The following KAZN variants were observed in gnomAD, a reference collection of about 807,000 sequenced individuals.
KAZN encodes kazrin.
Under a neutral mutation model 87.4 loss-of-function variants are expected in KAZN, and 40 were observed. That is an observed-to-expected ratio of 0.46 (90% CI 0.36 to 0.60). The LOEUF (loss-of-function observed/expected upper bound fraction) is 0.60. KAZN is among the 20% of genes least tolerant of loss of function. The pLI is 0.00. For synonymous variants in KAZN, 466 were observed against 458.3 expected (o/e 1.02, Z -0.22); for missense variants, 898 against 1,073.9 (o/e 0.84, Z 2.29).
intron 2 of KAZN, among the ~76,000 whole-genome samples, chr1:14,346,067 C>T (rs1384999669): frequency 6.6e-6 from 1 of 152,192 alleles, no homozygotes; most frequent in Non-Finnish European, 1.5e-5. Flanking sequence ...TGCTCATTGG[C>T]CACTAGAAGT....
chr1:14,516,805 C>T (rs1294378240), intron 2 of KAZN, among the ~76,000 whole-genome samples: 1 of 152,162 alleles, frequency 6.6e-6, no homozygotes, highest in African/African-American at 2.4e-5. Context: ...ATTTCTCTAA[C>T]AAGAACCAGC....
At chr1:15,109,459 C>T (rs1641411264) in intron 13 of KAZN, among the ~76,000 whole-genome samples, 1 of 152,294 alleles carries the variant, frequency 6.6e-6, no homozygotes, top group East Asian at 1.9e-4. Context: ...CGCACCAGAA[C>T]ATATGGAGGG....
chr1:14,707,820 C>T (rs1197882122), intron 1 of KAZN, among the ~76,000 whole-genome samples: 1 of 152,208 alleles, frequency 6.6e-6, no homozygotes, highest in African/African-American at 2.4e-5. Context: ...CCTTAGGTTT[C>T]ATTTCTCGGC....
At chr1:14,511,918 A>C (rs543934376) in intron 2 of KAZN, among the ~76,000 whole-genome samples, 2 of 152,302 alleles carry the variant, frequency 1.3e-5, no homozygotes, top group African/African-American at 4.8e-5. Context: ...CATTCTAAAG[A>C]CTGAAACAAA....
intron 2 of KAZN, among the ~76,000 whole-genome samples, chr1:14,215,614 T>G (rs1032040933): frequency 1.3e-5 from 2 of 152,218 alleles, no homozygotes; most frequent in African/African-American, 2.4e-5. Flanking sequence ...GTTTCCTTTT[T>G]GAAATGAAGA....
At chr1:14,228,167 ATGATGTTGT>A (rs1647466072) in intron 2 of KAZN, among the ~76,000 whole-genome samples, 1 of 152,128 alleles carries the variant, frequency 6.6e-6, no homozygotes, top group South Asian at 2.1e-4. Context: ...AGTGATGATG[ATGATGTTGT>A]TGATATTGGT....
chr1:14,834,552 G>A (rs987563218), intron 1 of KAZN, among the ~76,000 whole-genome samples: 5 of 151,600 alleles, frequency 3.3e-5, no homozygotes, highest in African/African-American at 9.7e-5. Context: ...TAGTAGAGAC[G>A]GGGTTTCACC....
chr1:13,924,924 C>T (rs1290539151), intron 1 of KAZN, among the ~76,000 whole-genome samples: 1 of 152,186 alleles, frequency 6.6e-6, no homozygotes, highest in South Asian at 2.1e-4. Context: ...AGATACTCAG[C>T]GTTCACAATA....
chr1:14,132,127 G>A (rs987207943), intron 1 of KAZN, among the ~76,000 whole-genome samples: 3 of 152,134 alleles, frequency 2.0e-5, no homozygotes, highest in African/African-American at 2.4e-5. Context: ...CAGCCCTACC[G>A]GGGTCCCTCA....
At chr1:14,824,765 G>C (rs996568640) in intron 1 of KAZN, among the ~76,000 whole-genome samples, 2 of 152,194 alleles carry the variant, frequency 1.3e-5, no homozygotes, top group Non-Finnish European at 2.9e-5. Context: ...TCCTATGGGG[G>C]TAGTATTCTA....
At chr1:14,617,364 T>C (rs1473202459) in intron 1 of KAZN, among the ~76,000 whole-genome samples, 1 of 152,218 alleles carries the variant, frequency 6.6e-6, no homozygotes, top group Non-Finnish European at 1.5e-5. Context: ...AAAGTCTACA[T>C]ACCTTCATTT....
intron 1 of KAZN, among the ~76,000 whole-genome samples, chr1:14,648,324 T>C (rs372945655): frequency 6.6e-6 from 1 of 152,352 alleles, no homozygotes; most frequent in South Asian, 2.1e-4. Context: ...TGTGCTATTA[T>C]TAATTTATAA....
At chr1:14,903,241 T>A (rs1421818773) in intron 1 of KAZN, among the ~76,000 whole-genome samples, 1 of 152,056 alleles carries the variant, frequency 6.6e-6, no homozygotes, top group Admixed American at 6.6e-5. Context: ...AAGAAAAAAA[T>A]TGCTGATAGC....
intron 1 of KAZN, among the ~76,000 whole-genome samples, chr1:14,688,331 TG>T (rs1557890647): frequency 6.6e-6 from 1 of 152,234 alleles, no homozygotes; most frequent in African/African-American, 2.4e-5. Context: ...TTGAGCTAGA[TG>T]GCCTCTCAAG....
chr1:14,258,350 G>A (rs1376207511), intron 2 of KAZN, among the ~76,000 whole-genome samples: 2 of 150,636 alleles, frequency 1.3e-5, no homozygotes, highest in African/African-American at 4.9e-5. Flanking sequence ...CGAGTAGCTG[G>A]GACTACAAGT....
chr1:14,548,541 C>G (rs1019946703), intron 2 of KAZN, among the ~76,000 whole-genome samples: 6 of 152,094 alleles, frequency 3.9e-5, no homozygotes, highest in African/African-American at 1.2e-4. Context: ...GTTTACTTCT[C>G]TAAACAATAT....
At chr1:14,564,810 C>T (rs541990082) in intron 2 of KAZN, among the ~76,000 whole-genome samples, 1 of 152,114 alleles carries the variant, frequency 6.6e-6, no homozygotes, top group Admixed American at 6.5e-5. Context: ...GAGACTCCGT[C>T]TCAAAAAATA....
intron 2 of KAZN, among the ~76,000 whole-genome samples, chr1:14,511,701 G>A (rs920222648): frequency 6.6e-6 from 1 of 152,130 alleles, no homozygotes; most frequent in Non-Finnish European, 1.5e-5. Context: ...CAGGCTAAGG[G>A]ACTGAGTGAT....
chr1:15,040,937 T>A (rs2473739), intron 3 of KAZN, among the ~76,000 whole-genome samples: 35,051 of 149,062 alleles, frequency 0.24, 4,875 homozygotes, highest in Non-Finnish European at 0.3. Flanking sequence ...CCAGCCAGAC[T>A]TTTTTTGTTT....
Sources: gnomAD v4.1 joint callset for allele counts (sites outside exome capture counted in the v4.1 genomes callset) on GRCh38, gnomAD v4.1.1 for gene constraint, MANE v1.5 for transcripts, NCBI Gene and HGNC (gene_info 2026-07-23, HGNC 2026-07-21) for gene names.